The following TASP1 variants were observed in gnomAD, a reference collection of about 807,000 sequenced individuals.
TASP1 encodes the protein threonine aspartase 1.
TASP1 carries 16 observed loss-of-function variants against 56.6 expected under a neutral mutation model. That is an observed-to-expected ratio of 0.28 (90% confidence interval 0.19 to 0.43). TASP1 has a LOEUF of 0.43. Among genes scored for constraint, TASP1 ranks in the 20% least tolerant of loss-of-function variants. The pLI is 1.00. For missense variants in TASP1, 393 were observed against 511.6 expected, an observed-to-expected ratio of 0.77 and a Z score of 2.24; for synonymous variants, 179 against 184.2, an observed-to-expected ratio of 0.97 and a Z score of 0.23.
the TASP1 span, chr20:13,270,441 T>TA: frequency 6.5e-7 from 1 of 1,539,604 alleles, no homozygotes; most frequent in Non-Finnish European, 8.8e-7. Flanking sequence ...AATGGACTGT[T>TA]AAGGGTGACA....
the TASP1 span, among the ~76,000 whole-genome samples, chr20:13,323,173 T>C: frequency 6.6e-6 from 1 of 152,056 alleles, no homozygotes; most frequent in Non-Finnish European, 1.5e-5. Flanking sequence ...TCCCCAAATA[T>C]TACTTGCTAC....
the TASP1 span, among the ~76,000 whole-genome samples, chr20:13,384,354 C>T: frequency 2.6e-5 from 4 of 152,176 alleles, no homozygotes; most frequent in Non-Finnish European, 1.5e-5. Flanking sequence ...CTTTCTCTCC[C>T]AGCTTTCCAC....
intron 10 of TASP1, among the ~76,000 whole-genome samples, chr20:13,502,563 C>T (rs945414385): frequency 6.6e-6 from 1 of 152,060 alleles, no homozygotes; most frequent in Admixed American, 6.6e-5. Flanking sequence ...AAACATTCTG[C>T]TTAAAGCAAG....
In TASP1 at chr20:13,569,513, T is replaced by C. The variant is rs1172863287; in HGVS notation, c.562A>G (p.Thr188Ala). Reference protein sequence around the residue: ...GIPSCPPNIMTTRFSLAAFKR... With the variant: ...GIPSCPPNIMATRFSLAAFKR... Reference sequence around the variant, plus strand: ...TTTTTAAGTTTTTACTCACTTGTGGTCATGATGTTAGGAGGGCAAGAGGGT... The same window carrying C: ...TTTTTAAGTTTTTACTCACTTGTGGCCATGATGTTAGGAGGGCAAGAGGGT... Residue 188 changes from threonine to alanine, a missense_variant, in exon 7 of 14, where the codon ACC becomes GCC. By Grantham distance (58) the Thr-to-Ala change is moderately conservative. Transcript: ENST00000337743. 1.5e-5 allele frequency: 24 copies of C among 1,611,886 alleles called. No individual in the cohort carries two copies. Among genetic ancestry groups the C allele is most frequent in the Non-Finnish European group, 1.9e-5 (22 of 1,179,308 alleles).
chr20:13,576,023 C>A (rs2046892471), intron 6 of TASP1, among the ~76,000 whole-genome samples: 1 of 151,728 alleles, frequency 6.6e-6, no homozygotes, highest in African/African-American at 2.4e-5. Context: ...ATCAGCCTGG[C>A]CAACCCCTCC....
At chr20:13,596,482 A>G (rs2047737392) in intron 4 of TASP1, among the ~76,000 whole-genome samples, 1 of 152,228 alleles carries the variant, frequency 6.6e-6, no homozygotes, top group African/African-American at 2.4e-5. Context: ...TTTGAAACCA[A>G]TGAGAACAAA....
At chr20:13,517,590 T>C (rs554279511) in intron 10 of TASP1, among the ~76,000 whole-genome samples, 2 of 152,190 alleles carry the variant, frequency 1.3e-5, no homozygotes, top group African/African-American at 4.8e-5. Context: ...TCAATGAGCA[T>C]GCATTATTTC....
the TASP1 span, among the ~76,000 whole-genome samples, chr20:13,362,838 T>TATATATATATATATATATATATATA: frequency 2.9e-4 from 42 of 145,126 alleles, no homozygotes; most frequent in Non-Finnish European, 3.5e-4. Context: ...TATATATATA[T>TATATATATATATATATATATATATA]TTGTCTCTCC....
chr20:13,585,944 G>A (rs2047286497), intron 5 of TASP1, among the ~76,000 whole-genome samples: 1 of 152,076 alleles, frequency 6.6e-6, no homozygotes, highest in Admixed American at 6.5e-5. Flanking sequence ...AGACCAGCCT[G>A]GCCAACATGG....
At chr20:13,174,458 G>A in the TASP1 span, among the ~76,000 whole-genome samples, 2 of 152,138 alleles carry the variant, frequency 1.3e-5, no homozygotes, top group Non-Finnish European at 2.9e-5. Flanking sequence ...AGCACTTTGG[G>A]AGGCTGAGGT....
At chr20:13,271,022 G>A in the TASP1 span, among the ~76,000 whole-genome samples, 1 of 152,116 alleles carries the variant, frequency 6.6e-6, no homozygotes, top group Non-Finnish European at 1.5e-5. Context: ...ACTAATTTAA[G>A]AGACAGTGAA....
Position 13,440,361 on chromosome 20 carries a change from G to A in TASP1, c.986-5207C>T, listed in dbSNP as rs1407422742. ...TCTGGATACAGAGGATCCAAAACAA[G>A]AGAAGATAATGGGATTCCAGATGAC... On this transcript the variant is annotated intron_variant, in intron 11 of 13. Transcript: ENST00000337743. Among the ~76,000 whole-genome samples, 3 of 151,556 alleles carry A rather than the reference G, an allele frequency of 2.0e-5. No individual in the cohort carries two copies. The South Asian group carries it at 6.2e-4, about 31-fold the overall frequency.
Position 13,587,265 on chromosome 20 carries a change from C to T in TASP1, c.388G>A (p.Val130Ile), listed in dbSNP as rs760178190. The T allele has an allele frequency of 6.2e-7, 1 of 1,612,388 alleles. No individual in the cohort carries two copies. Residue 130 changes from valine (V) to isoleucine (I), a missense_variant, in exon 5 of 14, where the codon GTT becomes ATT. Around this residue, in one of 3 missense-constraint regions of TASP1, gnomAD observed 48 missense variants for 106.2 expected, o/e 0.45. Transcript: ENST00000337743. ...GCCCACATACCACTCAGTGCTCCAA[C>T]TGCTCCAAAATTTAAGGATTTTCCA... ...MDGKSLNFGA[V>I]GALSGIKNPV...
the TASP1 span, among the ~76,000 whole-genome samples, chr20:13,377,298 G>C: frequency 1.4e-4 from 21 of 152,152 alleles, no homozygotes; most frequent in Non-Finnish European, 2.6e-4. Context: ...GTTGAATTTT[G>C]TCAAAGGCCT....
At chr20:13,169,366 A>C in the TASP1 span, among the ~76,000 whole-genome samples, 1 of 152,200 alleles carries the variant, frequency 6.6e-6, no homozygotes, top group Non-Finnish European at 1.5e-5. Context: ...CTGTCTGTTA[A>C]ACATTTACTA....
chr20:13,334,301 A>G, the TASP1 span, among the ~76,000 whole-genome samples: 4 of 152,242 alleles, frequency 2.6e-5, no homozygotes, highest in Non-Finnish European at 4.4e-5. Context: ...AGGGAGCTGT[A>G]GAAGGCTTGG....
At chr20:13,147,743 T>A in the TASP1 span, among the ~76,000 whole-genome samples, 3 of 152,216 alleles carry the variant, frequency 2.0e-5, no homozygotes, top group South Asian at 6.2e-4. Flanking sequence ...TTCCAAGCAA[T>A]GCTGCCTAGG....
rs539126321 is a variant in TASP1 at position 13,408,496 on chromosome 20, G to C, written c.1170+8952C>G. Among the ~76,000 whole-genome samples, 7 of 152,160 alleles carry C rather than the reference G, an allele frequency of 4.6e-5. No homozygotes were observed. The South Asian group carries it at 1.2e-3, about 27-fold the overall frequency. On this transcript the variant is annotated intron_variant, in intron 13 of 13. Coordinates refer to ENST00000337743, the MANE Select transcript of TASP1 (RefSeq NM_017714.3). ...TTGTAACATCTTTGTCAAATACTGA[G>C]GTTACCCTTGTCTCATAAAATGGGT...
chr20:13,612,462 A>T (rs2048378573), intron 4 of TASP1, among the ~76,000 whole-genome samples: 1 of 151,172 alleles, frequency 6.6e-6, no homozygotes, highest in South Asian at 2.1e-4. Flanking sequence ...AAAACATGAT[A>T]ACCTTTTTAG....
Sources: gnomAD v4.1 joint callset for allele counts (sites outside exome capture counted in the v4.1 genomes callset) on GRCh38, gnomAD v4.1.1 for gene constraint, gnomAD v4.1.1 regional missense constraint, MANE v1.5 for transcripts, NCBI Gene and HGNC (gene_info 2026-07-23, HGNC 2026-07-21) for gene names.